RPS6KC1: variants seen among roughly 807,000 people sequenced by gnomAD.
RPS6KC1 encodes the protein ribosomal protein S6 kinase C1.
Under a neutral mutation model 103.8 loss-of-function variants are expected in RPS6KC1, and 54 were observed. That is an observed-to-expected ratio of 0.52 (90% CI 0.42 to 0.65). RPS6KC1 has a LOEUF of 0.65. Among genes scored for constraint, RPS6KC1 ranks in the 30% least tolerant of loss-of-function variants. The probability of loss-of-function intolerance (pLI) is 0.00; values close to 1 mark genes in which losing one functional copy is unlikely to be tolerated. For missense variants in RPS6KC1, 1,151 were observed against 1,253.8 expected (o/e 0.92, Z 1.24); for synonymous variants, 439 against 438.7 (o/e 1.00, Z -0.01).
chr1:213,330,088 C>T, the RPS6KC1 span, among the ~76,000 whole-genome samples: 1 of 152,250 alleles, frequency 6.6e-6, no homozygotes, highest in Non-Finnish European at 1.5e-5. Context: ...ATTGTGTCCA[C>T]CCTGGCTCCT....
the RPS6KC1 span, among the ~76,000 whole-genome samples, chr1:213,710,925 C>T: frequency 6.6e-6 from 1 of 152,166 alleles, no homozygotes; most frequent in Non-Finnish European, 1.5e-5. Flanking sequence ...ATAACCCGAC[C>T]TTTCTCTCTG....
chr1:213,852,209 T>G, the RPS6KC1 span, among the ~76,000 whole-genome samples: 4 of 152,180 alleles, frequency 2.6e-5, no homozygotes, highest in African/African-American at 9.7e-5. Flanking sequence ...ACAGCCTCCA[T>G]TGCCCTTGAG....
chr1:213,285,350 G>GT, the RPS6KC1 span, among the ~76,000 whole-genome samples: 1 of 151,680 alleles, frequency 6.6e-6, no homozygotes, highest in East Asian at 1.9e-4. Flanking sequence ...CATACTGGGG[G>GT]GTAGGATTTA....
At chr1:213,640,871 A>C in the RPS6KC1 span, among the ~76,000 whole-genome samples, 2 of 147,744 alleles carry the variant, frequency 1.4e-5, no homozygotes, top group African/African-American at 2.6e-5. Context: ...GGTTTTTATT[A>C]ATAATTTTAT....
In RPS6KC1 at chr1:213,077,700, T is replaced by C. The variant is rs1306945641; in HGVS notation, c.146T>C (p.Ile49Thr). Residue 49 changes from isoleucine (I) to threonine (T), a missense_variant, in exon 3 of 15, where the codon ATT (isoleucine) becomes ACT (threonine). By Grantham distance (89) the Ile-to-Thr change is moderately conservative. This residue lies in a region of RPS6KC1 where 959 missense variants were observed against 1,006.3 expected (regional missense o/e 0.95). Transcript: ENST00000366960. ...RRNPEDVQEI[I>T]VWKRYSDFKK... is the part of the protein sequence containing the mutation. Reference sequence around the variant, plus strand: ...GTTTAATTTTTTTCTCTCTAGATAATTGTATGGAAGAGATACAGTGATTTT... The same window carrying C: ...GTTTAATTTTTTTCTCTCTAGATAACTGTATGGAAGAGATACAGTGATTTT... 1.4e-6 allele frequency: 2 copies of C among 1,447,390 alleles called. No individual in the cohort carries two copies. The highest frequency in any genetic ancestry group is 4.8e-5 in the East Asian group (2 of 41,778). The allele number at this position is 1,447,390 out of a possible 1,614,324, so 89.7% of individuals were successfully genotyped here.
intron 12 of RPS6KC1, among the ~76,000 whole-genome samples, chr1:213,261,005 T>A (rs566412911): frequency 4.6e-4 from 70 of 152,292 alleles, no homozygotes; most frequent in African/African-American, 1.5e-3. Flanking sequence ...TTTCACATGC[T>A]CCTCCTTTGG....
the RPS6KC1 span, among the ~76,000 whole-genome samples, chr1:213,361,523 G>A: frequency 6.3e-3 from 957 of 152,312 alleles, 8 homozygotes; most frequent in African/African-American, 0.021. Flanking sequence ...GCGATGCCTC[G>A]CCCTCCTTTG....
At chr1:213,591,457 C>A in the RPS6KC1 span, among the ~76,000 whole-genome samples, 1 of 152,190 alleles carries the variant, frequency 6.6e-6, no homozygotes, top group African/African-American at 2.4e-5. Flanking sequence ...ACCTGATACC[C>A]TACCCCAGCT....
At chr1:213,629,925 G>A in the RPS6KC1 span, among the ~76,000 whole-genome samples, 21,360 of 152,198 alleles carry the variant, frequency 0.14, 2,364 homozygotes, top group African/African-American at 0.31. Flanking sequence ...ACTCTCTTGT[G>A]GCTTGTACAG....
rs569046430 is a variant in RPS6KC1, at chr1:213,065,873, A to G, written c.106-5133A>G. Among the ~76,000 whole-genome samples, 16 of 152,300 alleles carry G rather than the reference A, an allele frequency of 1.1e-4. No individual in the cohort carries two copies. In the East Asian group the frequency reaches 3.1e-3, roughly 29 times the overall value. The stretch of plus-strand genomic sequence containing the variant: ...TGCTGAAAATACCGCAGATAAATAG[A>G]GGGAGGCAGTGTAATAGAGTGGAAA... On this transcript the variant is annotated intron_variant, in intron 1 of 14. Coordinates refer to ENST00000366960, the MANE Select transcript of RPS6KC1 (RefSeq NM_012424.6).
At chr1:213,359,650 A>G in the RPS6KC1 span, among the ~76,000 whole-genome samples, 1 of 103,346 alleles carries the variant, frequency 9.7e-6, no homozygotes, top group East Asian at 3.1e-4. Context: ...TCTTCCTAGC[A>G]TCGATGGTCT....
chr1:213,240,566 T>C (rs2094327223), intron 10 of RPS6KC1, 136 bp from the exon 11 acceptor site: 3 of 720,150 alleles, frequency 4.2e-6, no homozygotes, highest in Non-Finnish European at 7.0e-6. Flanking sequence ...GCTTATCTTA[T>C]GGCACACGAT....
the RPS6KC1 span, among the ~76,000 whole-genome samples, chr1:213,796,859 C>T: frequency 6.6e-5 from 10 of 152,206 alleles, no homozygotes; most frequent in African/African-American, 2.2e-4. Context: ...CCCATCCTCT[C>T]GCCCCCATGC....
chr1:213,487,387 C>A, the RPS6KC1 span, among the ~76,000 whole-genome samples: 1 of 152,226 alleles, frequency 6.6e-6, no homozygotes, highest in Admixed American at 6.5e-5. Flanking sequence ...CAAAGTGAGA[C>A]CCTGTCTCAA....
the RPS6KC1 span, among the ~76,000 whole-genome samples, chr1:213,611,423 A>G: frequency 6.6e-6 from 1 of 152,092 alleles, no homozygotes; most frequent in African/African-American, 2.4e-5. Flanking sequence ...TAAGGAGTAA[A>G]CCTGAAATTG....
chr1:213,625,636 G>T, the RPS6KC1 span, among the ~76,000 whole-genome samples: 1 of 152,096 alleles, frequency 6.6e-6, no homozygotes, highest in Non-Finnish European at 1.5e-5. Context: ...GTGTCCATGT[G>T]TTCTCATTGT....
chr1:213,133,486 C>G (rs1380645703), intron 6 of RPS6KC1, among the ~76,000 whole-genome samples: 1 of 152,068 alleles, frequency 6.6e-6, no homozygotes, highest in Non-Finnish European at 1.5e-5. Flanking sequence ...TCTAAGGACA[C>G]CAAAATTTAG....
chr1:213,509,621 C>G, the RPS6KC1 span, among the ~76,000 whole-genome samples: 2 of 152,156 alleles, frequency 1.3e-5, no homozygotes, highest in African/African-American at 4.8e-5. Flanking sequence ...GCGACTTGGG[C>G]TCAGTCAACA....
At chr1:213,627,343 A>C in the RPS6KC1 span, among the ~76,000 whole-genome samples, 1 of 152,210 alleles carries the variant, frequency 6.6e-6, no homozygotes, top group Non-Finnish European at 1.5e-5. Flanking sequence ...GGGGTTTTCT[A>C]GATATACAAT....
Sources: gnomAD v4.1 joint callset for allele counts (sites outside exome capture counted in the v4.1 genomes callset) on GRCh38, gnomAD v4.1.1 for gene constraint, gnomAD v4.1.1 regional missense constraint, MANE v1.5 for transcripts, NCBI Gene and HGNC (gene_info 2026-07-23, HGNC 2026-07-21) for gene names.